The following RGL1 variants were observed in gnomAD, a reference collection of about 807,000 sequenced individuals.
RGL1 encodes ral guanine nucleotide dissociation stimulator-like 1.
A neutral mutation model predicts 95.2 loss-of-function variants in RGL1; 24 were observed. The observed-to-expected ratio is 0.25, with a 90% CI of 0.18 to 0.35. The LOEUF (loss-of-function observed/expected upper bound fraction) is 0.35, where lower values mean the gene tolerates loss of function less well. Among genes scored for constraint, RGL1 ranks in the 10% least tolerant of loss-of-function variants. RGL1 has a pLI of 1.00. For missense variants in RGL1, 715 were observed against 936.3 expected (o/e 0.76, Z 3.08); for synonymous variants, 329 against 344.9 (o/e 0.95, Z 0.51).
At chr1:183,892,599 G>T (rs545293473) in intron 9 of RGL1, among the ~76,000 whole-genome samples, 3 of 152,236 alleles carry the variant, frequency 2.0e-5, no homozygotes, top group African/African-American at 7.2e-5. Flanking sequence ...AGTATTTATT[G>T]AACACCAAGT....
intron 14 of RGL1, among the ~76,000 whole-genome samples, chr1:183,908,441 T>A (rs1429795266): frequency 1.3e-5 from 2 of 152,250 alleles, no homozygotes; most frequent in Non-Finnish European, 1.5e-5. Flanking sequence ...AGAAAGCATC[T>A]GGAAGATCAT....
At chr1:183,820,962 G>A (rs973584920) in intron 2 of RGL1, among the ~76,000 whole-genome samples, 5 of 151,952 alleles carry the variant, frequency 3.3e-5, no homozygotes, top group Admixed American at 6.6e-5. Context: ...GTGAAACCCC[G>A]TCTCTACTAA....
At chr1:183,650,312 G>C (rs895690115) in intron 1 of RGL1, among the ~76,000 whole-genome samples, 2 of 152,134 alleles carry the variant, frequency 1.3e-5, no homozygotes, top group Admixed American at 6.5e-5. Context: ...GGGAGGCCAG[G>C]GTGGGCGGAT....
chr1:183,717,383 C>A (rs983974966), intron 1 of RGL1, among the ~76,000 whole-genome samples: 3 of 152,106 alleles, frequency 2.0e-5, no homozygotes, highest in African/African-American at 7.2e-5. Context: ...CTTTCTCCAT[C>A]TGGCACATTA....
chr1:183,703,820 G>A (rs1654742049), intron 1 of RGL1, among the ~76,000 whole-genome samples: 1 of 152,210 alleles, frequency 6.6e-6, no homozygotes, highest in African/African-American at 2.4e-5. Flanking sequence ...GAGCCCTGGG[G>A]TGACACTGAG....
chr1:183,895,935 C>T (rs540115888), intron 9 of RGL1, among the ~76,000 whole-genome samples: 30 of 152,270 alleles, frequency 2.0e-4, no homozygotes, highest in African/African-American at 7.0e-4. Flanking sequence ...GTCTTAAGTG[C>T]TCTTTTGAGA....
At chr1:183,660,807 AG>A (rs1217524387) in intron 1 of RGL1, among the ~76,000 whole-genome samples, 3 of 152,292 alleles carry the variant, frequency 2.0e-5, no homozygotes, top group Non-Finnish European at 2.9e-5. Flanking sequence ...CATAGTTGGA[AG>A]TAAGCTCTCC....
intron 1 of RGL1, among the ~76,000 whole-genome samples, chr1:183,717,455 A>G (rs1474612992): frequency 1.3e-5 from 2 of 152,246 alleles, no homozygotes; most frequent in African/African-American, 4.8e-5. Flanking sequence ...TGAAAAGTAT[A>G]TGTATTTATG....
rs531454400 is a variant in RGL1 at position 183,642,481 on chromosome 1, C to T, written c.-33+5980C>T. Among the ~76,000 whole-genome samples the T allele has an allele frequency of 8.2e-4, 124 of 152,126 alleles. 1 individual carries two copies. The highest frequency in any genetic ancestry group is 2.8e-3 in the African/African-American group (115 of 41,512). On this transcript the variant is annotated intron_variant, in intron 1 of 18. Coordinates refer to the RGL1 transcript ENST00000304685. ...TACTTTCGGTATCTTTTTCATTATTCCAAATTATAATACTTACTTTTTTCT... is the reference window on the plus strand; with the variant it reads ...TACTTTCGGTATCTTTTTCATTATTTCAAATTATAATACTTACTTTTTTCT...
intron 2 of RGL1, among the ~76,000 whole-genome samples, chr1:183,759,682 C>G (rs1165733567): frequency 1.3e-5 from 2 of 152,172 alleles, no homozygotes; most frequent in Non-Finnish European, 1.5e-5. Flanking sequence ...CTCTCCAGCT[C>G]CAGTTTGTCA....
intron 4 of RGL1, among the ~76,000 whole-genome samples, chr1:183,879,643 A>G (rs1438049615): frequency 6.6e-6 from 1 of 152,204 alleles, no homozygotes; most frequent in African/African-American, 2.4e-5. Context: ...GTATGGGGTA[A>G]CTGGTTGCTA....
chr1:183,845,834 A>T (rs1558244431), intron 2 of RGL1, among the ~76,000 whole-genome samples: 1 of 152,206 alleles, frequency 6.6e-6, no homozygotes, highest in Non-Finnish European at 1.5e-5. Flanking sequence ...AAATTCTTAA[A>T]ATTTAACAAT....
intron 2 of RGL1, among the ~76,000 whole-genome samples, chr1:183,749,897 T>G (rs1383338817): frequency 6.6e-6 from 1 of 152,254 alleles, no homozygotes; most frequent in Non-Finnish European, 1.5e-5. Context: ...CCCCACTCTC[T>G]TCTGGATTCT....
chr1:183,664,431 A>G (rs567004047), intron 1 of RGL1, among the ~76,000 whole-genome samples: 1 of 152,100 alleles, frequency 6.6e-6, no homozygotes, highest in Non-Finnish European at 1.5e-5. Flanking sequence ...TCATATCTGT[A>G]CTAGTTTAGA....
intron 3 of RGL1, among the ~76,000 whole-genome samples, chr1:183,851,361 A>G (rs1193988730): frequency 6.6e-6 from 1 of 152,174 alleles, no homozygotes; most frequent in Non-Finnish European, 1.5e-5. Flanking sequence ...ATGCCTTGAG[A>G]TAGTTTAGAG....
chr1:183,708,099 A>T (rs895682321), intron 1 of RGL1, among the ~76,000 whole-genome samples: 2 of 152,172 alleles, frequency 1.3e-5, no homozygotes, highest in Non-Finnish European at 2.9e-5. Flanking sequence ...CTGTTATGTA[A>T]TTCGTACTGT....
chr1:183,875,306 T>C (rs2102621215), intron 4 of RGL1, among the ~76,000 whole-genome samples: 1 of 152,326 alleles, frequency 6.6e-6, no homozygotes, highest in Non-Finnish European at 1.5e-5. Context: ...CTGAAAAAAT[T>C]TGTATTAAAC....
rs533057590 is a variant in RGL1, at chr1:183,712,314, G to A, written c.-32-29812G>A. Reference sequence around the variant, plus strand: ...CCGTGAGGTATTCACTTGACAGCCTGCCATTGTCAACTCTAATGGGAGAGA... The same window carrying A: ...CCGTGAGGTATTCACTTGACAGCCTACCATTGTCAACTCTAATGGGAGAGA... On this transcript the variant is annotated intron_variant, in intron 1 of 18. Transcript: ENST00000304685. 7.2e-5 allele frequency among the ~76,000 whole-genome samples: 11 copies of A among 152,368 alleles called. 1 individual carries two copies. In the South Asian group the frequency reaches 2.3e-3, roughly 32 times the overall value.
chr1:183,681,813 T>G (rs1200341043), intron 1 of RGL1, among the ~76,000 whole-genome samples: 1 of 152,186 alleles, frequency 6.6e-6, no homozygotes, highest in Non-Finnish European at 1.5e-5. Context: ...CCTGGGGTTT[T>G]TTTGGTTGGT....
Sources: gnomAD v4.1 joint callset for allele counts (sites outside exome capture counted in the v4.1 genomes callset) on GRCh38, gnomAD v4.1.1 for gene constraint, MANE v1.5 for transcripts, NCBI Gene and HGNC (gene_info 2026-07-23, HGNC 2026-07-21) for gene names.